The following ADGRV1 variants were observed in gnomAD, a reference collection of about 807,000 sequenced individuals.
The protein encoded by ADGRV1 is G-protein coupled receptor 98.
ADGRV1 carries 359 observed loss-of-function variants against 596.2 expected under a neutral mutation model. The observed-to-expected ratio is 0.60, with a 90% CI of 0.55 to 0.66. ADGRV1 has a LOEUF of 0.66. Ranked by LOEUF, ADGRV1 falls within the 30% of genes least tolerant of loss-of-function variation. ADGRV1 has a pLI of 0.00. For missense variants in ADGRV1, 7,274 were observed against 7,575.6 expected, an observed-to-expected ratio of 0.96 and a Z score of 1.48; for synonymous variants, 2,681 against 2,679.2, an observed-to-expected ratio of 1.00 and a Z score of -0.02.
chr5:91,102,402 A>G (rs1186132048), intron 87 of ADGRV1, 62 bp downstream of exon 87: 1 of 1,425,426 alleles, frequency 7.0e-7, no homozygotes, highest in Non-Finnish European at 9.4e-7. Flanking sequence ...AAGGCATAGA[A>G]TTTCAATATT....
At chr5:91,008,314 T>C (rs576845042) in intron 85 of ADGRV1, among the ~76,000 whole-genome samples, 2 of 152,088 alleles carry the variant, frequency 1.3e-5, no homozygotes, top group African/African-American at 4.8e-5. Context: ...AAACTACCAA[T>C]GGAGAATCAC....
chr5:90,558,979 A>C, intron 1 of ADGRV1, 62 bp downstream of exon 1: 1 of 1,451,530 alleles, frequency 6.9e-7, no homozygotes, highest in Non-Finnish European at 9.3e-7. Context: ...GCGCCTCAGC[A>C]TCAGCACCTG....
intron 21 of ADGRV1, among the ~76,000 whole-genome samples, chr5:90,670,256 T>C (rs1177231069): frequency 2.0e-5 from 3 of 152,204 alleles, no homozygotes; most frequent in African/African-American, 7.2e-5. Flanking sequence ...GGGCTTCATA[T>C]GTTGCTACTT....
intron 31 of ADGRV1, among the ~76,000 whole-genome samples, chr5:90,692,091 A>G (rs2149628772): frequency 6.6e-6 from 1 of 152,262 alleles, no homozygotes; most frequent in South Asian, 2.1e-4. Flanking sequence ...TTCACTTCTA[A>G]AATATTAGAT....
At position 90,637,851 on chromosome 5, in the gene ADGRV1, T is replaced by C. The variant is rs879144272; in HGVS notation, c.2143T>C (p.Leu715=). ...DDIGPFNGSV[L]FLSGQSDTTI... ...TATAGGCCCCTTTAATGGCTCTGTT[T>C]TGTTTTTATCTGGGCAAAGTGACAC... Residue 715 remains leucine, a synonymous_variant, in exon 11 of 90, where the codon TTG becomes CTG. Coordinates refer to ENST00000405460, the MANE Select transcript of ADGRV1 (RefSeq NM_032119.4). The C allele has an allele frequency of 6.2e-7, 1 of 1,613,756 alleles. No homozygotes were observed. The highest frequency in any genetic ancestry group is 8.5e-7 in the Non-Finnish European group (1 of 1,179,782).
chr5:90,652,596 C>A, intron 19 of ADGRV1, 33 bp downstream of exon 19: 2 of 1,373,530 alleles, frequency 1.5e-6, no homozygotes, highest in Non-Finnish European at 2.0e-6. Context: ...ATTTTATTTC[C>A]ATGTCTTATT....
intron 85 of ADGRV1, among the ~76,000 whole-genome samples, chr5:91,012,560 A>G (rs749781476): frequency 2.6e-5 from 4 of 151,906 alleles, no homozygotes; most frequent in African/African-American, 4.8e-5. Context: ...TCATTTATGT[A>G]GCTCTCCTCC....
chr5:90,694,358 G>A lies in ADGRV1; in HGVS notation c.7602G>A (p.Met2534Ile). 2 of 1,613,952 alleles carry A rather than the reference G, an allele frequency of 1.2e-6. No individual in the cohort carries two copies. Among genetic ancestry groups the A allele is most frequent in the Non-Finnish European group, 1.7e-6 (2 of 1,179,884 alleles). The change falls in exon 33 of 90, where the codon ATG becomes ATA. Residue 2534 changes from methionine to isoleucine, a missense_variant. Coordinates refer to ENST00000405460, the MANE Select transcript of ADGRV1 (RefSeq NM_032119.4). Reference protein sequence around the residue: ...VSILPDDFPEMDESFLISLLE... With the variant: ...VSILPDDFPEIDESFLISLLE... ...TTCTTCCTGATGATTTCCCAGAGATGGATGAGAGTTTTCTAATTTCTCTCC... is the reference window on the plus strand; with the variant it reads ...TTCTTCCTGATGATTTCCCAGAGATAGATGAGAGTTTTCTAATTTCTCTCC...
chr5:90,626,527 G>A (rs983425271), intron 6 of ADGRV1: 2 of 151,744 alleles, frequency 1.3e-5, no homozygotes, highest in African/African-American at 4.8e-5. Context: ...AGAGTTTATG[G>A]TGAATGAAAA....
At chr5:90,561,674 T>C (rs1754847749) in intron 1 of ADGRV1, among the ~76,000 whole-genome samples, 1 of 151,544 alleles carries the variant, frequency 6.6e-6, no homozygotes, top group Non-Finnish European at 1.5e-5. Flanking sequence ...TAAGTCATTA[T>C]TTTATGCACC....
At position 90,959,956 on chromosome 5, in the gene ADGRV1, G is replaced by A. The variant is rs371195482; in HGVS notation, c.17857-5459G>A. ...AGATCAAGACCATCCTGGCTAACACGGTGAAACCCCGTCTCTACTAAAAAT... is the reference window on the plus strand; with the variant it reads ...AGATCAAGACCATCCTGGCTAACACAGTGAAACCCCGTCTCTACTAAAAAT... On this transcript the variant is annotated intron_variant, in intron 83 of 89. Transcript: ENST00000405460. Among the ~76,000 whole-genome samples, 488 of 152,026 alleles carry A rather than the reference G, an allele frequency of 3.2e-3. 1 individual carries two copies. Among genetic ancestry groups the A allele is most frequent in the African/African-American group, 8.2e-3 (339 of 41,488 alleles).
chr5:90,591,770 G>T (rs1444835007), intron 1 of ADGRV1, among the ~76,000 whole-genome samples: 1 of 152,154 alleles, frequency 6.6e-6, no homozygotes, highest in East Asian at 1.9e-4. Flanking sequence ...CATGTAAATT[G>T]GGTGAATTAA....
At chr5:91,139,585 A>G (rs1265364021) in intron 87 of ADGRV1, among the ~76,000 whole-genome samples, 2 of 152,214 alleles carry the variant, frequency 1.3e-5, no homozygotes, top group Non-Finnish European at 1.5e-5. Flanking sequence ...ATTGTGTGCT[A>G]TATAGTCTTT....
At chr5:91,077,130 T>A (rs1185262996) in intron 86 of ADGRV1, among the ~76,000 whole-genome samples, 2 of 152,200 alleles carry the variant, frequency 1.3e-5, no homozygotes, top group Admixed American at 1.3e-4. Flanking sequence ...ATATACAGAA[T>A]AGCCAAAGAA....
chr5:90,865,485 CT>C lies in ADGRV1; in HGVS notation c.17856+1632del, dbSNP rs561331879. ...CAGGATTTCTATGTTGGAGCACTGA[CT>C]TTTGATTCATATTGTACTTAACATT... On this transcript the variant is annotated intron_variant, in intron 83 of 89. Coordinates refer to ENST00000405460, the MANE Select transcript of ADGRV1 (RefSeq NM_032119.4). Among the ~76,000 whole-genome samples the C allele has an allele frequency of 5.5e-4, 83 of 152,174 alleles. 1 individual carries two copies. In the South Asian group the frequency reaches 0.017, roughly 31 times the overall value.
chr5:90,680,179 G>A (rs56255871), intron 26 of ADGRV1, among the ~76,000 whole-genome samples: 2 of 151,732 alleles, frequency 1.3e-5, no homozygotes, highest in Non-Finnish European at 2.9e-5. Flanking sequence ...GTAAAACCCC[G>A]TTTCTACTAA....
At chr5:91,002,785 T>G (rs1011336224) in intron 85 of ADGRV1, among the ~76,000 whole-genome samples, 1 of 152,166 alleles carries the variant, frequency 6.6e-6, no homozygotes, top group Non-Finnish European at 1.5e-5. Flanking sequence ...TTCTGTTCAC[T>G]TTCTTCTTAG....
chr5:90,812,256 TA>T (rs1358908367), intron 74 of ADGRV1, among the ~76,000 whole-genome samples: 1 of 152,178 alleles, frequency 6.6e-6, no homozygotes, highest in Non-Finnish European at 1.5e-5. Context: ...TTAAATGAAA[TA>T]CATCAGCATG....
chr5:90,825,429 G>T (rs1488866680), intron 76 of ADGRV1, among the ~76,000 whole-genome samples: 3 of 152,106 alleles, frequency 2.0e-5, no homozygotes, highest in Non-Finnish European at 2.9e-5. Flanking sequence ...AAGACTGTTA[G>T]CTGTTCAAAA....
Sources: gnomAD v4.1 joint callset for allele counts (sites outside exome capture counted in the v4.1 genomes callset) on GRCh38, gnomAD v4.1.1 for gene constraint, MANE v1.5 for transcripts, NCBI Gene and HGNC (gene_info 2026-07-23, HGNC 2026-07-21) for gene names.